IGF2BP2: variants seen among roughly 807,000 people sequenced by gnomAD.
IGF2BP2 encodes the protein insulin-like growth factor 2 mRNA-binding protein 2.
In IGF2BP2, 17 loss-of-function variants were observed where a neutral mutation model predicts 75.8. The observed-to-expected ratio is 0.22, with a 90% CI of 0.15 to 0.34. The LOEUF (loss-of-function observed/expected upper bound fraction) is 0.34, where lower values mean the gene tolerates loss of function less well. Ranked by LOEUF, IGF2BP2 falls within the 10% of genes least tolerant of loss-of-function variation. IGF2BP2 has a pLI of 1.00. For missense variants in IGF2BP2, 516 were observed against 772.4 expected, an observed-to-expected ratio of 0.67 and a Z score of 3.93; for synonymous variants, 288 against 295.6, an observed-to-expected ratio of 0.97 and a Z score of 0.26.
At chr3:185,665,589 GA>G (rs1717422249) in intron 10 of IGF2BP2, among the ~76,000 whole-genome samples, 1 of 148,256 alleles carries the variant, frequency 6.7e-6, no homozygotes, top group African/African-American at 2.5e-5. Flanking sequence ...AGAAAAGGAA[GA>G]AGAAGAAAAG....
intron 2 of IGF2BP2, among the ~76,000 whole-genome samples, chr3:185,755,978 G>C (rs1424388916): frequency 6.6e-6 from 1 of 152,160 alleles, no homozygotes; most frequent in Non-Finnish European, 1.5e-5. Context: ...TGAGATTGGA[G>C]GGGCCAGAGA....
At chr3:185,824,658 T>C (rs1305661908) in intron 1 of IGF2BP2, 125 bp downstream of exon 1, 1 of 569,394 alleles carries the variant, frequency 1.8e-6, no homozygotes, top group East Asian at 4.4e-5. Context: ...GTCTGGTGCG[T>C]GGAAGTGAGC....
intron 2 of IGF2BP2, among the ~76,000 whole-genome samples, chr3:185,814,903 A>G (rs1740402505): frequency 6.6e-6 from 1 of 152,222 alleles, no homozygotes; most frequent in African/African-American, 2.4e-5. Context: ...ACCATTTTCT[A>G]AAAAGCAATT....
intron 7 of IGF2BP2, among the ~76,000 whole-genome samples, chr3:185,679,547 T>C (rs1720065115): frequency 6.6e-6 from 1 of 152,234 alleles, no homozygotes; most frequent in Admixed American, 6.5e-5. Flanking sequence ...CAGATAACTA[T>C]ATATTTTCAT....
At chr3:185,766,641 C>T (rs1733111168) in intron 2 of IGF2BP2, among the ~76,000 whole-genome samples, 1 of 152,182 alleles carries the variant, frequency 6.6e-6, no homozygotes, top group South Asian at 2.1e-4. Flanking sequence ...CTAGCTAGTG[C>T]TTTACAGAAA....
intron 10 of IGF2BP2, among the ~76,000 whole-genome samples, chr3:185,664,045 C>T (rs1171366783): frequency 2.0e-5 from 3 of 152,172 alleles, no homozygotes; most frequent in East Asian, 1.9e-4. Flanking sequence ...ACGACTTGGC[C>T]GGAGGGTTCA....
intron 6 of IGF2BP2, among the ~76,000 whole-genome samples, chr3:185,688,460 A>T (rs1721455549): frequency 6.6e-6 from 1 of 152,216 alleles, no homozygotes; most frequent in Admixed American, 6.5e-5. Context: ...CTCCTGCCTC[A>T]GCCTCCAGAG....
chr3:185,687,301 A>C (rs925980641), intron 6 of IGF2BP2, 110 bp from the exon 7 acceptor site: 1 of 1,124,286 alleles, frequency 8.9e-7, no homozygotes, highest in East Asian at 2.5e-5. Flanking sequence ...ACAGACAAGG[A>C]GGCGTCATCA....
At chr3:185,736,608 G>A (rs147599500) in intron 2 of IGF2BP2, among the ~76,000 whole-genome samples, 1 of 152,328 alleles carries the variant, frequency 6.6e-6, no homozygotes, top group Non-Finnish European at 1.5e-5. Flanking sequence ...CAATGTGGCC[G>A]TGAATTAAAC....
At chr3:185,821,105 G>C in intron 2 of IGF2BP2, 3 of 1,527,026 alleles carry the variant, frequency 2.0e-6, no homozygotes, top group Non-Finnish European at 2.6e-6. Context: ...ACACAATACC[G>C]GTCATTAGCT....
intron 2 of IGF2BP2, among the ~76,000 whole-genome samples, chr3:185,788,144 G>T (rs1736142759): frequency 6.6e-6 from 1 of 152,096 alleles, no homozygotes; most frequent in Admixed American, 6.6e-5. Context: ...TTTACTGCTG[G>T]GTCCTTAGTA....
intron 2 of IGF2BP2, among the ~76,000 whole-genome samples, chr3:185,814,750 C>T (rs1045708372): frequency 3.9e-5 from 6 of 151,992 alleles, no homozygotes; most frequent in Admixed American, 2.0e-4. Context: ...ATCTTAAGTC[C>T]TATGTTACTA....
chr3:185,646,997 G>T (rs372961321), intron 15 of IGF2BP2, 28 bp downstream of exon 15: 21 of 1,515,614 alleles, frequency 1.4e-5, no homozygotes, highest in Non-Finnish European at 1.8e-5. Flanking sequence ...AGACTTGCAG[G>T]AGAGACAGGG....
intron 10 of IGF2BP2, among the ~76,000 whole-genome samples, chr3:185,665,234 A>G (rs1717144179): frequency 6.8e-6 from 1 of 146,034 alleles, no homozygotes. Context: ...GAGGAGGAGG[A>G]GGAGAAGGAG....
intron 2 of IGF2BP2, among the ~76,000 whole-genome samples, chr3:185,718,504 AGT>A (rs1190273110): frequency 2.0e-5 from 3 of 151,892 alleles, no homozygotes; most frequent in Non-Finnish European, 4.4e-5. Context: ...TGGCTAACAT[AGT>A]GAAATCCTCT....
At position 185,645,723 on chromosome 3, in the gene IGF2BP2, G is replaced by A; in HGVS notation, c.1708-100C>T. ...GAGGCTCTGGGGCTTGGGGATGAAG[G>A]GTGGAATGCTCAGACAAGCATCATC... On this transcript the variant is annotated intron_variant, in intron 15 of 15. Coordinates refer to ENST00000382199, the MANE Select transcript of IGF2BP2 (RefSeq NM_006548.6). This position sits in a 1 kb window ranked among gnomAD's most constrained non-coding sequence, Gnocchi z 4.9. 1.2e-6 allele frequency: 1 copy of A among 831,446 alleles called. No individual in the cohort carries two copies. The allele number at this position is 831,446 out of a possible 1,614,324, so 51.5% of individuals were successfully genotyped here.
intron 5 of IGF2BP2, among the ~76,000 whole-genome samples, chr3:185,690,703 T>C (rs1721832575): frequency 6.6e-6 from 1 of 152,216 alleles, no homozygotes; most frequent in Admixed American, 6.5e-5. Flanking sequence ...TGGAATGGTT[T>C]CAACATTTAT....
At chr3:185,707,122 G>A (rs1366019236) in intron 2 of IGF2BP2, among the ~76,000 whole-genome samples, 1 of 151,680 alleles carries the variant, frequency 6.6e-6, no homozygotes, top group Non-Finnish European at 1.5e-5. Context: ...TTACTCGAGA[G>A]GCTGAGGCAG....
intron 3 of IGF2BP2, among the ~76,000 whole-genome samples, chr3:185,696,996 T>C (rs1320002382): frequency 6.6e-6 from 1 of 152,216 alleles, no homozygotes; most frequent in African/African-American, 2.4e-5. Context: ...CAAGACTCAC[T>C]CCACTTTCTT....
Sources: gnomAD v4.1 joint callset for allele counts (sites outside exome capture counted in the v4.1 genomes callset) on GRCh38, gnomAD v4.1.1 for gene constraint, Gnocchi (gnomAD v3.1) non-coding constraint, MANE v1.5 for transcripts, NCBI Gene and HGNC (gene_info 2026-07-23, HGNC 2026-07-21) for gene names.